PCNT: variants seen among roughly 807,000 people sequenced by gnomAD.
PCNT encodes the protein kendrin.
PCNT carries 319 observed loss-of-function variants against 380.4 expected under a neutral mutation model. That is an observed-to-expected ratio of 0.84 (90% CI 0.77 to 0.92). The LOEUF (loss-of-function observed/expected upper bound fraction) is 0.92, where lower values mean the gene tolerates loss of function less well. Among genes scored for constraint, PCNT ranks in the 40% least tolerant of loss-of-function variants. The pLI is 0.00. For missense variants in PCNT, 4,400 were observed against 4,255.3 expected, an observed-to-expected ratio of 1.03 and a Z score of -0.95; for synonymous variants, 1,845 against 1,735.2, an observed-to-expected ratio of 1.06 and a Z score of -1.57.
At position 46,425,953 on chromosome 21, in the gene PCNT, C is replaced by A. The variant is rs369252735; in HGVS notation, c.7302C>A (p.Leu2434=). The stretch of plus-strand genomic sequence containing the variant: ...AAGACGAGATACAGGACATCTCGCT[C>A]CATGGGGGAAAGACGCAGGTTTATT... The part of the protein sequence containing the change: ...RKEDEIQDIS[L]HGGKTQEVPT... Residue 2434 remains leucine (L), a synonymous_variant, in exon 33 of 47, where the codon CTC becomes CTA. Coordinates refer to ENST00000359568, the MANE Select transcript of PCNT (RefSeq NM_006031.6). The surrounding 1 kb of genome is among the most constrained non-coding windows in gnomAD (Gnocchi z 4.2). 59 of 1,613,896 alleles carry A rather than the reference C, an allele frequency of 3.7e-5. No individual in the cohort carries two copies. Among genetic ancestry groups the A allele is most frequent in the Non-Finnish European group, 4.9e-5 (58 of 1,180,028 alleles).
chr21:46,426,371 A>G (rs1201724110), intron 33 of PCNT, among the ~76,000 whole-genome samples: 1 of 152,174 alleles, frequency 6.6e-6, no homozygotes, highest in African/African-American at 2.4e-5. Context: ...CTGAGGTCCA[A>G]GAACCCTGGG....
chr21:46,438,710 T>A (rs1393810165), intron 41 of PCNT, among the ~76,000 whole-genome samples: 1 of 150,618 alleles, frequency 6.6e-6, no homozygotes, highest in Non-Finnish European at 1.5e-5. Flanking sequence ...TCTTGCTCTG[T>A]TGCCCAGGCT....
intron 2 of PCNT, among the ~76,000 whole-genome samples, chr21:46,330,566 A>G (rs994269394): frequency 6.6e-6 from 1 of 152,264 alleles, no homozygotes; most frequent in African/African-American, 2.4e-5. Flanking sequence ...GTGCTTTAGA[A>G]GCAGATATTT....
intron 36 of PCNT, 80 bp from the exon 37 acceptor site, chr21:46,430,427 C>T (rs2087701509): frequency 1.3e-6 from 2 of 1,518,100 alleles, no homozygotes; most frequent in Non-Finnish European, 1.8e-6. Context: ...CAGGGCTCTG[C>T]CTCCCCTCCT....
chr21:46,396,596 T>G (rs2086217921), intron 21 of PCNT, among the ~76,000 whole-genome samples: 2 of 152,304 alleles, frequency 1.3e-5, no homozygotes, highest in South Asian at 4.1e-4. Context: ...TGGTACCCAG[T>G]TAATTTTATT....
chr21:46,442,387 T>C (rs759975235), intron 43 of PCNT, 110 bp from the exon 44 acceptor site: 2 of 733,930 alleles, frequency 2.7e-6, no homozygotes, highest in African/African-American at 1.7e-5. Flanking sequence ...CTGGTCCCCA[T>C]GGGCAGCGAG....
chr21:46,337,702 C>A (rs1417546315), intron 3 of PCNT, among the ~76,000 whole-genome samples: 1 of 152,216 alleles, frequency 6.6e-6, no homozygotes, highest in Admixed American at 6.5e-5. Context: ...CCTACCTCAG[C>A]CTCCCGAGTT....
At chr21:46,341,600 C>T (rs1026924446) in intron 3 of PCNT, among the ~76,000 whole-genome samples, 1 of 152,072 alleles carries the variant, frequency 6.6e-6, no homozygotes, top group African/African-American at 2.4e-5. Flanking sequence ...CTGCTGGTCT[C>T]AAGCCATTCT....
intron 2 of PCNT, among the ~76,000 whole-genome samples, chr21:46,331,407 T>C (rs570232774): frequency 6.6e-6 from 1 of 152,220 alleles, no homozygotes; most frequent in Non-Finnish European, 1.5e-5. Flanking sequence ...CAGAAAGACT[T>C]TGTGGTAAAT....
intron 15 of PCNT, among the ~76,000 whole-genome samples, chr21:46,375,103 T>C (rs989950973): frequency 1.3e-5 from 2 of 152,192 alleles, no homozygotes; most frequent in Non-Finnish European, 2.9e-5. Context: ...GAAAGTCCTC[T>C]GAAAACGTAA....
chr21:46,393,558 C>G (rs1601943818), intron 21 of PCNT, among the ~76,000 whole-genome samples: 1 of 152,192 alleles, frequency 6.6e-6, no homozygotes. Context: ...GGGGAGACCA[C>G]CTGGTGTTTC....
chr21:46,362,594 TG>T (rs1347605972), intron 13 of PCNT, among the ~76,000 whole-genome samples: 1 of 152,084 alleles, frequency 6.6e-6, no homozygotes, highest in East Asian at 2.0e-4. Context: ...TTGGGTTTTT[TG>T]TTTGTTTCTT....
In PCNT at chr21:46,412,856, T is replaced by C. The variant is rs769679262; in HGVS notation, c.6014T>C (p.Leu2005Pro). The C allele has an allele frequency of 3.7e-6, 6 of 1,612,248 alleles. No individual in the cohort carries two copies. Among genetic ancestry groups the C allele is most frequent in the Non-Finnish European group, 5.1e-6 (6 of 1,180,040 alleles). Reference sequence around the variant, plus strand: ...GTCAAGGGTGATCTGCAGCCTGTCCTGGTGACGTTGAAGGATGCACCTCTC... The same window carrying C: ...GTCAAGGGTGATCTGCAGCCTGTCCCGGTGACGTTGAAGGATGCACCTCTC... ...PDPQGDLQPV[L>P]VTLKDAPLCK... Residue 2005 changes from leucine to proline, a missense_variant, in exon 29 of 47, where the codon CTG becomes CCG. Transcript: ENST00000359568.
At chr21:46,427,887 C>A in intron 34 of PCNT, 92 bp downstream of exon 34, 1 of 1,434,114 alleles carries the variant, frequency 7.0e-7, no homozygotes, top group Non-Finnish European at 9.7e-7. Context: ...GTGTGAATTT[C>A]GGTTTGTGTG....
At chr21:46,432,264 A>G (rs563278268) in intron 38 of PCNT, 49 bp downstream of exon 38, 10 of 1,538,182 alleles carry the variant, frequency 6.5e-6, no homozygotes, top group African/African-American at 5.5e-5. Flanking sequence ...ACGATAAGCA[A>G]TTGGAGTTAG....
chr21:46,443,112 C>T (rs2073379), intron 44 of PCNT: 30,252 of 169,480 alleles, frequency 0.18, 3,288 homozygotes, highest in East Asian at 0.42. Flanking sequence ...ACAGAGAACG[C>T]GGGGTGGGTG....
chr21:46,365,499 G>A (rs534111164), intron 14 of PCNT, among the ~76,000 whole-genome samples: 142 of 140,662 alleles, frequency 1.0e-3, no homozygotes, highest in African/African-American at 3.6e-3. Flanking sequence ...TCACTGCCGT[G>A]GGGTTCTGAT....
At chr21:46,353,009 C>T (rs1266014440) in intron 9 of PCNT, 95 bp from the exon 10 acceptor site, 5 of 1,004,170 alleles carry the variant, frequency 5.0e-6, no homozygotes, top group Non-Finnish European at 7.8e-6. Context: ...TTTCCGAGTT[C>T]TGCCCCCACC....
intron 32 of PCNT, among the ~76,000 whole-genome samples, chr21:46,423,964 C>G (rs144838108): frequency 4.3e-4 from 66 of 152,208 alleles, no homozygotes; most frequent in African/African-American, 1.6e-3. Context: ...GTTTCAAACT[C>G]AGGGTTTTCC....
Sources: allele counts gnomAD v4.1 joint callset (sites outside exome capture counted in the v4.1 genomes callset), GRCh38; gene constraint gnomAD v4.1.1; non-coding constraint Gnocchi (gnomAD v3.1); transcripts MANE v1.5; gene names NCBI Gene and HGNC (gene_info 2026-07-23, HGNC 2026-07-21).